The following PDE4D variants were observed in gnomAD, a reference collection of about 807,000 sequenced individuals.
The protein encoded by PDE4D is phosphodiesterase 4D, also known as 3',5'-cyclic-AMP phosphodiesterase 4D.
Under a neutral mutation model 87.4 loss-of-function variants are expected in PDE4D, and 24 were observed. The ratio of observed to expected loss-of-function variants is 0.27; its 90% CI spans 0.20 to 0.39. PDE4D has a LOEUF of 0.39. PDE4D is among the 10% of genes least tolerant of loss of function. The pLI is 1.00. For synonymous variants in PDE4D, 384 were observed against 383.2 expected (o/e 1.00, Z -0.02); for missense variants, 714 against 1,041.0 (o/e 0.69, Z 4.32).
chr5:59,757,690 A>T (rs551656972), intron 1 of PDE4D, among the ~76,000 whole-genome samples: 1 of 152,282 alleles, frequency 6.6e-6, no homozygotes, highest in South Asian at 2.1e-4. Flanking sequence ...TGGCTCTTCC[A>T]GAGTCAAACC....
At chr5:60,145,184 C>A (rs1347401302) in intron 2 of PDE4D, among the ~76,000 whole-genome samples, 1 of 152,256 alleles carries the variant, frequency 6.6e-6, no homozygotes, top group Middle Eastern at 3.4e-3. Context: ...GAAGTCACTC[C>A]TTGTAATTGT....
intron 3 of PDE4D, among the ~76,000 whole-genome samples, chr5:59,977,330 T>A (rs577298647): frequency 2.6e-5 from 4 of 152,288 alleles, no homozygotes; most frequent in South Asian, 2.1e-4. Flanking sequence ...GTGGTCTGGA[T>A]AGAAGATCAA....
chr5:59,891,181 T>C (rs1043931387), intron 1 of PDE4D, among the ~76,000 whole-genome samples: 1 of 152,224 alleles, frequency 6.6e-6, no homozygotes, highest in African/African-American at 2.4e-5. Flanking sequence ...GAACAATTAA[T>C]CAATGTAGAA....
chr5:59,199,075 T>A (rs1032637061), intron 2 of PDE4D, among the ~76,000 whole-genome samples: 2 of 152,196 alleles, frequency 1.3e-5, no homozygotes, highest in Admixed American at 1.3e-4. Context: ...TACAGTTAAT[T>A]AGAAGAAAGT....
chr5:60,454,876 A>C (rs1746353405), intron 1 of PDE4D, among the ~76,000 whole-genome samples: 1 of 152,130 alleles, frequency 6.6e-6, no homozygotes, highest in Admixed American at 6.6e-5. Flanking sequence ...ACGAAGCGGC[A>C]CATACATGAG....
At chr5:59,881,690 C>T (rs1749449281) in intron 1 of PDE4D, among the ~76,000 whole-genome samples, 1 of 151,950 alleles carries the variant, frequency 6.6e-6, no homozygotes, top group Non-Finnish European at 1.5e-5. Context: ...TGTACAAATA[C>T]TGTGTTTGAA....
At chr5:59,334,910 A>G (rs954676776) in intron 1 of PDE4D, among the ~76,000 whole-genome samples, 6 of 152,132 alleles carry the variant, frequency 3.9e-5, no homozygotes, top group Non-Finnish European at 2.9e-5. Flanking sequence ...TGTTACTGGT[A>G]CATATGTTTT....
At chr5:59,109,769 G>C (rs1031510849) in intron 5 of PDE4D, among the ~76,000 whole-genome samples, 3 of 152,178 alleles carry the variant, frequency 2.0e-5, no homozygotes, top group Non-Finnish European at 4.4e-5. Context: ...CCATCTTTCA[G>C]GGGCAAATTA....
At chr5:59,556,159 A>G (rs372582738) in intron 1 of PDE4D, among the ~76,000 whole-genome samples, 3 of 152,304 alleles carry the variant, frequency 2.0e-5, no homozygotes, top group South Asian at 2.1e-4. Context: ...TTTTCTGACT[A>G]CTAAGTTCTC....
At chr5:59,990,244 G>C (rs760166681) in intron 2 of PDE4D, among the ~76,000 whole-genome samples, 1 of 152,132 alleles carries the variant, frequency 6.6e-6, no homozygotes, top group Non-Finnish European at 1.5e-5. Flanking sequence ...CGGAGTCATT[G>C]TGTGGACCAA....
At chr5:59,111,658 A>T (rs1161772330) in intron 5 of PDE4D, among the ~76,000 whole-genome samples, 1 of 152,238 alleles carries the variant, frequency 6.6e-6, no homozygotes, top group African/African-American at 2.4e-5. Flanking sequence ...TCTAAATCCC[A>T]AGGGGAATGA....
chr5:59,187,330 T>C (rs1032625392), intron 3 of PDE4D, among the ~76,000 whole-genome samples: 16 of 152,160 alleles, frequency 1.1e-4, no homozygotes, highest in African/African-American at 3.6e-4. Flanking sequence ...ATAATTTATA[T>C]CTTCACATGC....
chr5:60,099,915 G>A lies in PDE4D; in HGVS notation c.42+85642C>T, dbSNP rs545295026. On this transcript the variant is annotated intron_variant, in intron 2 of 16. Coordinates refer to the PDE4D transcript ENST00000502484. ...CAGATACTTTGTACACATATGAAAT[G>A]AGAAATGATGTTAGTTATTCACTGT... is the stretch of plus-strand genomic sequence containing the variant. Among the ~76,000 whole-genome samples the A allele has an allele frequency of 5.8e-3, 881 of 152,026 alleles. 11 individuals carry two copies. The highest frequency in any genetic ancestry group is 0.02 in the African/African-American group (847 of 41,520).
chr5:60,357,819 GT>G (rs1759747865), intron 1 of PDE4D, among the ~76,000 whole-genome samples: 1 of 152,134 alleles, frequency 6.6e-6, no homozygotes, highest in African/African-American at 2.4e-5. Flanking sequence ...ATAATAATAT[GT>G]TTTTATTCAA....
chr5:60,018,311 C>T (rs537044064), intron 2 of PDE4D, among the ~76,000 whole-genome samples: 19 of 152,088 alleles, frequency 1.2e-4, no homozygotes, highest in Non-Finnish European at 2.6e-4. Flanking sequence ...TTAGTCACCA[C>T]CAGGCCTGCC....
chr5:59,509,821 T>C lies in PDE4D; in HGVS notation c.456-293853A>G, dbSNP rs1056355377. The stretch of plus-strand genomic sequence containing the variant: ...AGCCTAAATTAATATTTTTGAATAT[T>C]ATAATTATATTATAAACTTTATAAT... On this transcript the variant is annotated intron_variant, in intron 1 of 14. Coordinates refer to ENST00000340635, the MANE Select transcript of PDE4D (RefSeq NM_001104631.2). 9.4e-5 allele frequency among the ~76,000 whole-genome samples: 14 copies of C among 148,188 alleles called. No homozygotes were observed. In the South Asian group the frequency reaches 1.5e-3, roughly 16 times the overall value.
rs531462385 is a variant in PDE4D, at chr5:60,099,887, C to A, written c.42+85670G>T. 2.0e-5 allele frequency among the ~76,000 whole-genome samples: 3 copies of A among 151,968 alleles called. No individual in the cohort carries two copies. In the East Asian group the frequency reaches 5.8e-4, roughly 29 times the overall value. On this transcript the variant is annotated intron_variant, in intron 2 of 16. Transcript: ENST00000502484. ...GCAATTTCAGTTCTGGAACTCTATCCCACAGATACTTTGTACACATATGAA... is the reference window on the plus strand; with the variant it reads ...GCAATTTCAGTTCTGGAACTCTATCACACAGATACTTTGTACACATATGAA...
chr5:59,366,177 G>C (rs1212826745), intron 1 of PDE4D, among the ~76,000 whole-genome samples: 1 of 151,908 alleles, frequency 6.6e-6, no homozygotes, highest in Non-Finnish European at 1.5e-5. Flanking sequence ...ATCATATTAG[G>C]TGAGCAATTA....
At chr5:60,485,138 C>A (rs1229375820) in intron 1 of PDE4D, among the ~76,000 whole-genome samples, 3 of 152,162 alleles carry the variant, frequency 2.0e-5, no homozygotes, top group African/African-American at 7.2e-5. Context: ...TCTAGCTCCA[C>A]AAAAGGAGGG....
Sources: gnomAD v4.1 joint callset for allele counts (sites outside exome capture counted in the v4.1 genomes callset) on GRCh38, gnomAD v4.1.1 for gene constraint, MANE v1.5 for transcripts, NCBI Gene and HGNC (gene_info 2026-07-23, HGNC 2026-07-21) for gene names.